Variants in NAALADL2 observed in about 807,000 individuals in gnomAD.
The protein encoded by NAALADL2 is inactive N-acetylated-alpha-linked acidic dipeptidase-like protein 2.
In NAALADL2, 76 loss-of-function variants were observed where a neutral mutation model predicts 87.2. The observed-to-expected ratio is 0.87, with a 90% CI of 0.72 to 1.05. The LOEUF (loss-of-function observed/expected upper bound fraction) is 1.05. Ranked by LOEUF, NAALADL2 falls within the 50% of genes least tolerant of loss-of-function variation. NAALADL2 has a pLI of 0.00. For synonymous variants in NAALADL2, 354 were observed against 331.0 expected, an observed-to-expected ratio of 1.07 and a Z score of -0.75; for missense variants, 1,089 against 945.8, an observed-to-expected ratio of 1.15 and a Z score of -1.99.
At chr3:174,712,167 A>G (rs1730702221) in intron 2 of NAALADL2, among the ~76,000 whole-genome samples, 1 of 152,082 alleles carries the variant, frequency 6.6e-6, no homozygotes, top group Non-Finnish European at 1.5e-5. Flanking sequence ...TATTAGCTAG[A>G]CTGGATGAGT....
chr3:175,377,698 G>A (rs1560459362), intron 5 of NAALADL2, among the ~76,000 whole-genome samples: 1 of 152,070 alleles, frequency 6.6e-6, no homozygotes, highest in Non-Finnish European at 1.5e-5. Flanking sequence ...GGCCTGTACT[G>A]CACCCCATCC....
intron 11 of NAALADL2, among the ~76,000 whole-genome samples, chr3:175,648,698 C>T (rs947546690): frequency 1.8e-4 from 27 of 152,156 alleles, no homozygotes; most frequent in African/African-American, 6.0e-4. Flanking sequence ...AGAGAACTTT[C>T]GTTAGATCAG....
At chr3:175,558,279 AT>A (rs1004589042) in intron 9 of NAALADL2, among the ~76,000 whole-genome samples, 1 of 150,328 alleles carries the variant, frequency 6.7e-6, no homozygotes, top group African/African-American at 2.4e-5. Context: ...AGGTTATTAG[AT>A]TTTTTTTCCC....
chr3:175,790,172 C>A (rs1344928194), intron 13 of NAALADL2, among the ~76,000 whole-genome samples: 1 of 152,088 alleles, frequency 6.6e-6, no homozygotes, highest in East Asian at 1.9e-4. Flanking sequence ...ATTATGTCAA[C>A]AAACCTATGC....
chr3:175,058,722 C>T (rs910943742), intron 1 of NAALADL2, among the ~76,000 whole-genome samples: 3 of 152,122 alleles, frequency 2.0e-5, no homozygotes, highest in Non-Finnish European at 2.9e-5. Context: ...GGTGGAATTA[C>T]AATAAGTGAG....
At chr3:174,800,212 A>G (rs966334973) in intron 3 of NAALADL2, among the ~76,000 whole-genome samples, 4 of 152,156 alleles carry the variant, frequency 2.6e-5, no homozygotes, top group Non-Finnish European at 5.9e-5. Flanking sequence ...AATCACCAAG[A>G]CGATGGAGAA....
At chr3:175,588,529 CTTTTCTT>C (rs1419324052) in intron 10 of NAALADL2, among the ~76,000 whole-genome samples, 1 of 94,488 alleles carries the variant, frequency 1.1e-5, no homozygotes, top group African/African-American at 4.0e-5. Flanking sequence ...TTCTTTCTTT[CTTTTCTT>C]TTTTTTTTTT....
chr3:175,458,134 T>A (rs1371930643), intron 6 of NAALADL2, among the ~76,000 whole-genome samples: 1 of 152,078 alleles, frequency 6.6e-6, no homozygotes, highest in Non-Finnish European at 1.5e-5. Context: ...GTACTTTTCC[T>A]GTGCCAGCTG....
intron 1 of NAALADL2, among the ~76,000 whole-genome samples, chr3:174,537,094 A>C (rs371372168): frequency 6.6e-6 from 1 of 152,286 alleles, no homozygotes; most frequent in Admixed American, 6.5e-5. Flanking sequence ...AAACCAGTCC[A>C]CCAACACTAC....
intron 3 of NAALADL2, among the ~76,000 whole-genome samples, chr3:174,778,230 C>G (rs1715458487): frequency 6.6e-6 from 1 of 152,036 alleles, no homozygotes; most frequent in Non-Finnish European, 1.5e-5. Flanking sequence ...TGGAACTTAT[C>G]TTGATTAATG....
intron 10 of NAALADL2, among the ~76,000 whole-genome samples, chr3:175,622,181 C>A (rs572407115): frequency 1.3e-5 from 2 of 152,142 alleles, no homozygotes; most frequent in South Asian, 2.1e-4. Flanking sequence ...ATATCCTTTG[C>A]CTTCCTTTTC....
intron 5 of NAALADL2, among the ~76,000 whole-genome samples, chr3:175,413,012 G>A (rs937946241): frequency 6.7e-6 from 1 of 149,294 alleles, no homozygotes; most frequent in South Asian, 2.1e-4. Flanking sequence ...TCCGCCTCCC[G>A]GGTTCATGCC....
At chr3:175,547,696 C>CT (rs1312902910) in intron 9 of NAALADL2, among the ~76,000 whole-genome samples, 7 of 152,000 alleles carry the variant, frequency 4.6e-5, no homozygotes, top group African/African-American at 1.4e-4. Flanking sequence ...CTATAAGGAA[C>CT]TTAAACAAAT....
At chr3:175,780,986 A>G (rs1313783225) in intron 13 of NAALADL2, among the ~76,000 whole-genome samples, 1 of 152,224 alleles carries the variant, frequency 6.6e-6, no homozygotes, top group Non-Finnish European at 1.5e-5. Context: ...GGTGAAGCTA[A>G]TAACCTACTA....
chr3:175,576,290 A>G, intron 10 of NAALADL2, 103 bp downstream of exon 10: 2 of 1,062,390 alleles, frequency 1.9e-6, no homozygotes, highest in Admixed American at 2.4e-5. Context: ...ATAGGTCACT[A>G]TAGAAAAGCG....
intron 2 of NAALADL2, among the ~76,000 whole-genome samples, chr3:175,138,692 G>C (rs988699618): frequency 2.0e-5 from 3 of 148,348 alleles, no homozygotes; most frequent in Non-Finnish European, 4.5e-5. Flanking sequence ...GAGCTCCTAG[G>C]CTCAACTGAT....
chr3:175,614,916 A>G (rs1354868798), intron 10 of NAALADL2, among the ~76,000 whole-genome samples: 1 of 152,242 alleles, frequency 6.6e-6, no homozygotes, highest in Non-Finnish European at 1.5e-5. Context: ...AATGAAATGA[A>G]TCATAAAACA....
chr3:175,216,215 C>T (rs572067137), intron 2 of NAALADL2, among the ~76,000 whole-genome samples: 23 of 152,102 alleles, frequency 1.5e-4, no homozygotes, highest in South Asian at 6.2e-4. Flanking sequence ...TATTATGTAC[C>T]GTGATTCCCC....
intron 2 of NAALADL2, among the ~76,000 whole-genome samples, chr3:175,224,248 A>G (rs532715763): frequency 1.3e-5 from 2 of 152,210 alleles, no homozygotes; most frequent in East Asian, 3.9e-4. Flanking sequence ...ATGATCAGGC[A>G]GTTTGGCCCT....
Sources: allele counts gnomAD v4.1 joint callset (sites outside exome capture counted in the v4.1 genomes callset), GRCh38; gene constraint gnomAD v4.1.1; transcripts MANE v1.5; gene names NCBI Gene and HGNC (gene_info 2026-07-23, HGNC 2026-07-21).